Variants in NCK2 observed in about 807,000 individuals in gnomAD.
The protein encoded by NCK2 is NCK adaptor protein 2.
A neutral mutation model predicts 33.9 loss-of-function variants in NCK2; 16 were observed. The observed-to-expected ratio is 0.47, with a 90% CI of 0.32 to 0.72. NCK2 has a LOEUF of 0.72. Ranked by LOEUF, NCK2 falls within the 30% of genes least tolerant of loss-of-function variation. NCK2 has a pLI of 0.03. For missense variants in NCK2, 418 were observed against 537.3 expected (o/e 0.78, Z 2.19); for synonymous variants, 273 against 239.9 (o/e 1.14, Z -1.27).
chr2:105,864,072 G>T (rs2104609971), intron 3 of NCK2, among the ~76,000 whole-genome samples: 1 of 152,226 alleles, frequency 6.6e-6, no homozygotes, highest in Admixed American at 6.5e-5. Flanking sequence ...CAGCCGGACT[G>T]GGGTGAGCAA....
intron 1 of NCK2, among the ~76,000 whole-genome samples, chr2:105,747,030 G>C (rs1689310031): frequency 6.6e-6 from 1 of 152,180 alleles, no homozygotes; most frequent in Admixed American, 6.5e-5. Flanking sequence ...GTTGGCTGCT[G>C]CATAACCCCC....
At chr2:105,775,032 T>C (rs1219055753) in intron 1 of NCK2, among the ~76,000 whole-genome samples, 1 of 151,594 alleles carries the variant, frequency 6.6e-6, no homozygotes, top group East Asian at 1.9e-4. Context: ...AATAATAATA[T>C]AATAATAATA....
intron 2 of NCK2, among the ~76,000 whole-genome samples, chr2:105,832,474 C>G (rs549357983): frequency 6.6e-6 from 1 of 152,200 alleles, no homozygotes; most frequent in Non-Finnish European, 1.5e-5. Context: ...CGTTAAGGCT[C>G]GTATTACCTA....
intron 2 of NCK2, among the ~76,000 whole-genome samples, chr2:105,835,409 G>A (rs10178047): frequency 0.47 from 27,730 of 58,562 alleles, 7,833 homozygotes; most frequent in South Asian, 0.61. Context: ...ATATATACGT[G>A]TATATATATA....
chr2:105,871,843 G>A (rs1678024195), intron 3 of NCK2, among the ~76,000 whole-genome samples: 1 of 152,066 alleles, frequency 6.6e-6, no homozygotes, highest in Admixed American at 6.5e-5. Context: ...AAGTTTCCTG[G>A]GTCAACTTCC....
At chr2:105,837,037 C>T (rs1421964835) in intron 2 of NCK2, among the ~76,000 whole-genome samples, 3 of 152,184 alleles carry the variant, frequency 2.0e-5, no homozygotes, top group Non-Finnish European at 2.9e-5. Context: ...TTTCCTATAA[C>T]AGGGAGTCCC....
chr2:105,807,758 C>T (rs1207288790), intron 1 of NCK2, among the ~76,000 whole-genome samples: 16 of 112,558 alleles, frequency 1.4e-4, no homozygotes, highest in African/African-American at 5.5e-4. Flanking sequence ...TCCCTCCCTC[C>T]CTCCCTTCTC....
At chr2:105,862,276 T>A (rs970748921) in intron 3 of NCK2, among the ~76,000 whole-genome samples, 1 of 152,166 alleles carries the variant, frequency 6.6e-6, no homozygotes, top group Non-Finnish European at 1.5e-5. Flanking sequence ...ATACTAAGCA[T>A]GCTGATTTTA....
At chr2:105,751,804 T>C (rs1271260751) in intron 1 of NCK2, among the ~76,000 whole-genome samples, 1 of 152,134 alleles carries the variant, frequency 6.6e-6, no homozygotes. Flanking sequence ...TAATATGGAC[T>C]GTCTCCCTGC....
At chr2:105,752,966 A>G (rs1361746014) in intron 1 of NCK2, among the ~76,000 whole-genome samples, 2 of 152,134 alleles carry the variant, frequency 1.3e-5, no homozygotes, top group Non-Finnish European at 2.9e-5. Context: ...GTAATAACTC[A>G]TTGAGTCCTC....
intron 1 of NCK2, among the ~76,000 whole-genome samples, chr2:105,771,023 C>T (rs1056633688): frequency 9.2e-5 from 14 of 151,900 alleles, no homozygotes; most frequent in African/African-American, 3.1e-4. Flanking sequence ...CCCGGGTTCA[C>T]GCCATTCTCC....
Position 105,855,306 on chromosome 2 carries a change from C to A in NCK2, c.226+17C>A. On this transcript the variant is annotated intron_variant, in intron 3 of 4. Transcript: ENST00000233154. ...ACACACTAGGTGAGTGTTTCACCCT[C>A]GAGAGAGGAAGCCTTGTGCATTTCA... 1 of 1,558,554 alleles carries A rather than the reference C, an allele frequency of 6.4e-7. No individual in the cohort carries two copies. The highest frequency in any genetic ancestry group is 1.1e-5 in the South Asian group (1 of 86,998).
At chr2:105,828,992 G>A (rs1001068839) in intron 2 of NCK2, among the ~76,000 whole-genome samples, 8 of 152,186 alleles carry the variant, frequency 5.3e-5, no homozygotes, top group Non-Finnish European at 1.2e-4. Flanking sequence ...CCCCAGCTCT[G>A]AGTGATATAG....
chr2:105,803,502 T>C (rs1382110907), intron 1 of NCK2, among the ~76,000 whole-genome samples: 1 of 152,254 alleles, frequency 6.6e-6, no homozygotes, highest in Non-Finnish European at 1.5e-5. Context: ...ACCAACAAGG[T>C]GACTGCTATT....
rs1371198261 is a variant in NCK2 at position 105,881,578 on chromosome 2, G to A, written c.477G>A (p.Trp159Ter). ...WRGSYNGQIGWFPSNYVLEEV... is the reference protein window; with the variant it reads ...WRGSYNGQIG ...GCAGCTACAACGGGCAGATCGGCTG[G>A]TTCCCCTCCAACTACGTCTTGGAGG... The change falls in exon 4 of 5, where the codon TGG becomes TGA. Residue 159 changes from tryptophan to a stop codon, truncating the protein, a stop_gained. Transcript: ENST00000233154. LOFTEE classifies it high-confidence loss of function. The A allele has an allele frequency of 6.2e-7, 1 of 1,613,846 alleles. No individual in the cohort carries two copies. The highest frequency in any genetic ancestry group is 1.7e-5 in the Admixed American group (1 of 60,030).
intron 1 of NCK2, among the ~76,000 whole-genome samples, chr2:105,789,905 A>G (rs562584207): frequency 2.0e-4 from 31 of 152,238 alleles, no homozygotes; most frequent in Non-Finnish European, 4.1e-4. Flanking sequence ...AACAGGTTGG[A>G]TATGAGTGGT....
At chr2:105,768,423 A>G (rs4851859) in intron 1 of NCK2, among the ~76,000 whole-genome samples, 51,208 of 152,132 alleles carry the variant, frequency 0.34, 9,741 homozygotes, top group East Asian at 0.46. Flanking sequence ...CCACAAGACC[A>G]TCCCCATTTC....
intron 2 of NCK2, among the ~76,000 whole-genome samples, chr2:105,830,691 G>GTGTGTGTGTGTGTGTGTGTGTGTGTA (rs1676144921): frequency 3.4e-5 from 5 of 147,092 alleles, no homozygotes; most frequent in Non-Finnish European, 6.0e-5. Flanking sequence ...GTGTGTGTGT[G>GTGTGTGTGTGTGTGTGTGTGTGTGTA]TGTGTGTGTG....
intron 1 of NCK2, among the ~76,000 whole-genome samples, chr2:105,752,426 C>T (rs1353655056): frequency 6.6e-6 from 1 of 152,152 alleles, no homozygotes; most frequent in Non-Finnish European, 1.5e-5. Flanking sequence ...GTTCATTTTA[C>T]AAATATCTTA....
Sources: allele counts gnomAD v4.1 joint callset (sites outside exome capture counted in the v4.1 genomes callset), GRCh38; gene constraint gnomAD v4.1.1; transcripts MANE v1.5; gene names NCBI Gene and HGNC (gene_info 2026-07-23, HGNC 2026-07-21).